ZNF385D: variants seen among roughly 807,000 people sequenced by gnomAD.
ZNF385D encodes the protein zinc finger protein 659.
A neutral mutation model predicts 35.8 loss-of-function variants in ZNF385D; 15 were observed. The observed-to-expected ratio is 0.42, with a 90% confidence interval of 0.28 to 0.64. The LOEUF is 0.64. ZNF385D is among the 30% of genes least tolerant of loss of function. The pLI is 0.23. For missense variants in ZNF385D, 474 were observed against 494.6 expected (o/e 0.96, Z 0.39); for synonymous variants, 212 against 186.8 (o/e 1.13, Z -1.10).
At chr3:22,112,345 A>C (rs543597575) in intron 3 of ZNF385D, among the ~76,000 whole-genome samples, 1 of 152,128 alleles carries the variant, frequency 6.6e-6, no homozygotes, top group Non-Finnish European at 1.5e-5. Context: ...ACAATTTTAG[A>C]CCAGTCATAG....
intron 3 of ZNF385D, among the ~76,000 whole-genome samples, chr3:22,142,930 G>A (rs974427470): frequency 6.6e-6 from 1 of 151,920 alleles, no homozygotes; most frequent in African/African-American, 2.4e-5. Context: ...CCAGGATACT[G>A]CACTATTACT....
chr3:21,822,816 AC>A (rs1395297373), intron 3 of ZNF385D, among the ~76,000 whole-genome samples: 11 of 152,242 alleles, frequency 7.2e-5, no homozygotes, highest in African/African-American at 2.2e-4. Context: ...TGAAAAAAAA[AC>A]AAGTGACAAA....
chr3:21,622,061 A>G (rs1398198961), intron 2 of ZNF385D, among the ~76,000 whole-genome samples: 1 of 152,096 alleles, frequency 6.6e-6, no homozygotes, highest in East Asian at 1.9e-4. Flanking sequence ...CTGCTAATAA[A>G]AGGTGCAATT....
intron 3 of ZNF385D, among the ~76,000 whole-genome samples, chr3:21,932,827 G>T (rs887117825): frequency 1.3e-5 from 2 of 152,058 alleles, no homozygotes; most frequent in Non-Finnish European, 2.9e-5. Flanking sequence ...AAATATGCTT[G>T]TTCGTTTTCA....
intron 2 of ZNF385D, among the ~76,000 whole-genome samples, chr3:22,205,880 C>T (rs971610949): frequency 6.6e-6 from 1 of 151,802 alleles, no homozygotes; most frequent in Non-Finnish European, 1.5e-5. Flanking sequence ...AATAAATAGC[C>T]AAATGGCGGG....
At chr3:22,299,921 T>G (rs899404686) in intron 2 of ZNF385D, among the ~76,000 whole-genome samples, 12 of 151,922 alleles carry the variant, frequency 7.9e-5, no homozygotes, top group Non-Finnish European at 1.8e-4. Context: ...GCAATACTTA[T>G]CAAAATTTCA....
At chr3:21,852,894 G>A (rs1696474200) in intron 3 of ZNF385D, among the ~76,000 whole-genome samples, 1 of 151,800 alleles carries the variant, frequency 6.6e-6, no homozygotes, top group Non-Finnish European at 1.5e-5. Context: ...AAGTCATCAT[G>A]AAATACAGAA....
rs200949766 is a variant in ZNF385D, at chr3:22,180,024, G to T, written c.107-10989C>A. On this transcript the variant is annotated intron_variant, in intron 2 of 5. Transcript: ENST00000494108. Reference sequence around the variant, plus strand: ...CTGGTTTTTTGAAAAGATCAACAAAGTTGATAGACCACTAGCAAGACTAAT... The same window carrying T: ...CTGGTTTTTTGAAAAGATCAACAAATTTGATAGACCACTAGCAAGACTAAT... 1.4e-3 allele frequency among the ~76,000 whole-genome samples: 206 copies of T among 152,032 alleles called. 2 individuals carry two copies. The South Asian group carries it at 0.028, about 21-fold the overall frequency.
chr3:21,819,412 C>T (rs1441884517), intron 3 of ZNF385D, among the ~76,000 whole-genome samples: 1 of 150,902 alleles, frequency 6.6e-6, no homozygotes, highest in South Asian at 2.1e-4. Flanking sequence ...GAAAGTAAAA[C>T]GGTGAGAAAG....
intron 1 of ZNF385D, among the ~76,000 whole-genome samples, chr3:21,707,466 G>A (rs1430133046): frequency 6.6e-6 from 1 of 152,154 alleles, no homozygotes; most frequent in East Asian, 1.9e-4. Flanking sequence ...TCAAATTTTA[G>A]ACAGAACCCC....
At chr3:21,817,879 G>A (rs1159105675) in intron 3 of ZNF385D, among the ~76,000 whole-genome samples, 4 of 152,138 alleles carry the variant, frequency 2.6e-5, no homozygotes, top group Admixed American at 6.5e-5. Context: ...ACATGCACAG[G>A]TATGTTTATT....
In ZNF385D at chr3:21,466,627, G is replaced by C. The variant is rs139763932; in HGVS notation, c.440-29424C>G. 2.3e-3 allele frequency among the ~76,000 whole-genome samples: 344 copies of C among 152,182 alleles called. 6 individuals carry two copies. In the East Asian group the frequency reaches 0.024, roughly 11 times the overall value. Reference sequence around the variant, plus strand: ...ATTCCTCACTAGCCTGAAAGAAATGGTAATGTAGTCATCTTGTTCTTATTT... The same window carrying C: ...ATTCCTCACTAGCCTGAAAGAAATGCTAATGTAGTCATCTTGTTCTTATTT... On this transcript the variant is annotated intron_variant, in intron 4 of 7. Coordinates refer to ENST00000281523, the MANE Select transcript of ZNF385D (RefSeq NM_024697.3).
Position 22,094,023 on chromosome 3 carries a change from T to C in ZNF385D, c.325+74794A>G, listed in dbSNP as rs1001794716. 2.6e-5 allele frequency among the ~76,000 whole-genome samples: 4 copies of C among 152,080 alleles called. No individual in the cohort carries two copies. In the South Asian group the frequency reaches 6.2e-4, roughly 24 times the overall value. ...CTAAAATAATACCAATTTAACGCTT[T>C]ACAAATTTTAATAAGTGGGTTGACT... On this transcript the variant is annotated intron_variant, in intron 3 of 5. Coordinates refer to the ZNF385D transcript ENST00000494108.
chr3:21,943,825 AAC>A (rs1701651443), intron 3 of ZNF385D, among the ~76,000 whole-genome samples: 1 of 152,214 alleles, frequency 6.6e-6, no homozygotes, highest in South Asian at 2.1e-4. Flanking sequence ...TAAGCCTGAA[AAC>A]ACTGATGCAT....
intron 2 of ZNF385D, among the ~76,000 whole-genome samples, chr3:22,227,638 G>T (rs1698640336): frequency 6.6e-6 from 1 of 152,096 alleles, no homozygotes; most frequent in Non-Finnish European, 1.5e-5. Context: ...AGTGATGGCA[G>T]GGAAGAGATG....
At chr3:21,984,972 G>GT (rs1427699230) in intron 3 of ZNF385D, among the ~76,000 whole-genome samples, 5 of 151,494 alleles carry the variant, frequency 3.3e-5, no homozygotes, top group African/African-American at 4.8e-5. Flanking sequence ...CTGTTTGTCT[G>GT]TTTTTTGTGT....
Position 21,911,535 on chromosome 3 carries a change from T to A in ZNF385D, c.326-246507A>T, listed in dbSNP as rs369776954. Among the ~76,000 whole-genome samples, 5 of 152,126 alleles carry A rather than the reference T, an allele frequency of 3.3e-5. No homozygotes were observed. In the East Asian group the frequency reaches 9.6e-4, roughly 29 times the overall value. On this transcript the variant is annotated intron_variant, in intron 3 of 5. Transcript: ENST00000494108. ...ATGGCCATATTCCTAGTATTTCACC[T>A]CATAATGTTGTTTTGAGAATCAAAT...
At chr3:21,754,885 C>T (rs1056125654), upstream of ZNF385D, among the ~76,000 whole-genome samples, 1 of 152,148 alleles carries the variant, frequency 6.6e-6, no homozygotes, top group Non-Finnish European at 1.5e-5. Flanking sequence ...AATGAGCATC[C>T]TAAGTACAGC....
chr3:22,135,433 C>T (rs1003819958), intron 3 of ZNF385D, among the ~76,000 whole-genome samples: 5 of 152,022 alleles, frequency 3.3e-5, no homozygotes, highest in African/African-American at 4.8e-5. Context: ...CACTGTAACA[C>T]CTCAGTATAA....
Sources: gnomAD v4.1 joint callset for allele counts (sites outside exome capture counted in the v4.1 genomes callset) on GRCh38, gnomAD v4.1.1 for gene constraint, MANE v1.5 for transcripts, NCBI Gene and HGNC (gene_info 2026-07-23, HGNC 2026-07-21) for gene names.